The following SNAP91 variants were observed in gnomAD, a reference collection of about 807,000 sequenced individuals.
SNAP91 encodes the protein synaptosome associated protein 91.
In SNAP91, 27 loss-of-function variants were observed where a neutral mutation model predicts 100.3. The ratio of observed to expected loss-of-function variants is 0.27; its 90% confidence interval spans 0.20 to 0.37. The LOEUF is 0.37. Ranked by LOEUF, SNAP91 falls within the 10% of genes least tolerant of loss-of-function variation. The pLI is 1.00. For missense variants in SNAP91, 986 were observed against 1,123.7 expected, an observed-to-expected ratio of 0.88 and a Z score of 1.75; for synonymous variants, 404 against 398.6, an observed-to-expected ratio of 1.01 and a Z score of -0.16.
At chr6:83,555,676 ACT>A (rs1249325098) in intron 29 of SNAP91, among the ~76,000 whole-genome samples, 4 of 152,116 alleles carry the variant, frequency 2.6e-5, no homozygotes, top group Admixed American at 1.3e-4. Context: ...GAAATTTAAA[ACT>A]CTGCTTGAAT....
Position 83,623,332 on chromosome 6 carries a change from A to G in SNAP91, c.776T>C (p.Ile259Thr). The G allele has an allele frequency of 1.9e-6, 3 of 1,607,240 alleles. No individual in the cohort carries two copies. The highest frequency in any genetic ancestry group is 2.6e-6 in the Non-Finnish European group (3 of 1,175,962). ...GAGGTCAGGAATGTCACCTTTATCA[A>G]TACCAACTTGCTGTGGATTTAAAAA... ...EFLKVAEQVG[I>T]DKGDIPDLTQ... is the part of the protein sequence containing the mutation. The change falls in exon 9 of 30, where the codon ATT (isoleucine) becomes ACT (threonine). Residue 259 changes from isoleucine (I) to threonine (T), a missense_variant. By Grantham distance (89) the Ile-to-Thr change is moderately conservative. Transcript: ENST00000369694.
chr6:83,592,223 G>C (rs1443665163), intron 21 of SNAP91, among the ~76,000 whole-genome samples: 1 of 152,110 alleles, frequency 6.6e-6, no homozygotes, highest in African/African-American at 2.4e-5. Flanking sequence ...AAAACACCAA[G>C]TGAAAAATTA....
At chr6:83,604,735 G>A (rs2095503369) in intron 14 of SNAP91, among the ~76,000 whole-genome samples, 2 of 152,122 alleles carry the variant, frequency 1.3e-5, no homozygotes, top group Non-Finnish European at 2.9e-5. Context: ...ATAACCTCAA[G>A]GCTATGATTT....
intron 2 of SNAP91, among the ~76,000 whole-genome samples, chr6:83,673,953 A>G (rs2098824253): frequency 1.3e-5 from 2 of 152,230 alleles, no homozygotes; most frequent in Admixed American, 1.3e-4. Flanking sequence ...GTTGTTGTGT[A>G]TGCATGTGAT....
intron 3 of SNAP91, among the ~76,000 whole-genome samples, chr6:83,664,471 C>T (rs1284483239): frequency 6.6e-6 from 1 of 152,054 alleles, no homozygotes; most frequent in East Asian, 1.9e-4. Context: ...CTATGGATGA[C>T]TTTGAGGGAT....
At chr6:83,610,200 G>A (rs1356097460) in intron 12 of SNAP91, among the ~76,000 whole-genome samples, 1 of 151,904 alleles carries the variant, frequency 6.6e-6, no homozygotes, top group Non-Finnish European at 1.5e-5. Flanking sequence ...AATGATACAA[G>A]CAACCAAATA....
At chr6:83,628,111 G>A in intron 8 of SNAP91, among the ~76,000 whole-genome samples, 1 of 151,322 alleles carries the variant, frequency 6.6e-6, no homozygotes, top group South Asian at 2.1e-4. Context: ...ATAATGTTTG[G>A]TTTTCCATTC....
In SNAP91 at chr6:83,623,307, G is replaced by C; in HGVS notation, c.801C>G (p.Leu267=). ...VGIDKGDIPD[L]TQAPSSLMET... ...CACTGGGAGAGTTGCTTACCTGTGTGAGGTCAGGAATGTCACCTTTATCAA... is the reference window on the plus strand; with the variant it reads ...CACTGGGAGAGTTGCTTACCTGTGTCAGGTCAGGAATGTCACCTTTATCAA... Residue 267 remains leucine (L), a synonymous_variant, in exon 9 of 30, where the codon CTC becomes CTG. Coordinates refer to ENST00000369694, the MANE Select transcript of SNAP91 (RefSeq NM_001242792.2). 1 of 1,607,710 alleles carries C rather than the reference G, an allele frequency of 6.2e-7. No homozygotes were observed. The highest frequency in any genetic ancestry group is 8.5e-7 in the Non-Finnish European group (1 of 1,176,136).
chr6:83,685,778 A>G (rs1370137353), intron 2 of SNAP91, among the ~76,000 whole-genome samples: 1 of 152,204 alleles, frequency 6.6e-6, no homozygotes, highest in Non-Finnish European at 1.5e-5. Context: ...CAACTCTTTG[A>G]GCTGATCATT....
In SNAP91 at chr6:83,575,844, T is replaced by C. The variant is rs59927274; in HGVS notation, c.2330+179A>G. Among the ~76,000 whole-genome samples the C allele has an allele frequency of 2.9e-3, 439 of 152,320 alleles. 2 individuals are homozygous for C. Among genetic ancestry groups the C allele is most frequent in the African/African-American group, 1.0e-2 (414 of 41,582 alleles). On this transcript the variant is annotated intron_variant, in intron 25 of 29. Transcript: ENST00000369694. ...TTCCTTTTCATTGCAAAGCAACAGT[T>C]TGGAGCTTCCAGTAGAATAACAACA...
intron 2 of SNAP91, among the ~76,000 whole-genome samples, chr6:83,676,486 A>AG (rs1285713355): frequency 9.9e-5 from 15 of 152,222 alleles, no homozygotes; most frequent in African/African-American, 3.1e-4. Context: ...CATTCCAGGC[A>AG]GAGGAAAGCA....
intron 2 of SNAP91, among the ~76,000 whole-genome samples, chr6:83,694,658 G>GA (rs989181968): frequency 8.5e-5 from 13 of 152,102 alleles, no homozygotes; most frequent in Admixed American, 2.0e-4. Flanking sequence ...CAGAATCACT[G>GA]AAAAAGTCTT....
In SNAP91 at chr6:83,553,653, A is replaced by T. The variant is rs548155368; in HGVS notation, c.*643T>A. 6.6e-6 allele frequency: 1 copy of T among 152,148 alleles called. No homozygotes were observed. Among genetic ancestry groups the T allele is most frequent in the Non-Finnish European group, 1.5e-5 (1 of 68,028 alleles). 9.4% of individuals were successfully genotyped at this position (152,148 alleles called of 1,614,324 possible). ...CTTCCCATACGATTTTTCGTTCTTG[A>T]TAAGGTAGCTTCAAAGAGAAGTATT... is the stretch of plus-strand genomic sequence containing the variant. On this transcript the variant is annotated 3_prime_UTR_variant, in exon 30 of 30. Coordinates refer to ENST00000369694, the MANE Select transcript of SNAP91 (RefSeq NM_001242792.2).
rs117459821 is a variant in SNAP91 at position 83,644,724 on chromosome 6, T to G, written c.659-3522A>C. Among the ~76,000 whole-genome samples, 509 of 152,314 alleles carry G rather than the reference T, an allele frequency of 3.3e-3. 5 individuals are homozygous for G. Among genetic ancestry groups the G allele is most frequent in the Non-Finnish European group, 4.1e-3 (277 of 68,010 alleles). On this transcript the variant is annotated intron_variant, in intron 7 of 29. Coordinates refer to ENST00000369694, the MANE Select transcript of SNAP91 (RefSeq NM_001242792.2). The stretch of plus-strand genomic sequence containing the variant: ...CCATTAGTCAGGGAGACAGCTTACT[T>G]ACAAGTCAGAGTTTCATTATAGCAA...
chr6:83,653,377 T>C lies in SNAP91; in HGVS notation c.658+3377A>G, dbSNP rs371920192. 2.0e-5 allele frequency among the ~76,000 whole-genome samples: 3 copies of C among 152,268 alleles called. 1 individual carries two copies. Among genetic ancestry groups the C allele is most frequent in the East Asian group, 3.9e-4 (2 of 5,174 alleles). ...TTGTAGTTTTGGAGGTTTCTATTGA[T>C]ATATCTGTAAGCTTAAAGATTGTTT... On this transcript the variant is annotated intron_variant, in intron 7 of 29. Coordinates refer to ENST00000369694, the MANE Select transcript of SNAP91 (RefSeq NM_001242792.2).
intron 2 of SNAP91, among the ~76,000 whole-genome samples, chr6:83,672,232 A>T (rs1032167816): frequency 6.6e-6 from 1 of 152,208 alleles, no homozygotes. Context: ...ATCAATCTCA[A>T]ATACAATATT....
intron 7 of SNAP91, among the ~76,000 whole-genome samples, chr6:83,643,809 A>C (rs2097804013): frequency 6.6e-6 from 1 of 152,172 alleles, no homozygotes; most frequent in Middle Eastern, 3.2e-3. Flanking sequence ...ATTTAAGGGA[A>C]GCAAAAAGAT....
chr6:83,644,405 G>A (rs1212504770), intron 7 of SNAP91, among the ~76,000 whole-genome samples: 2 of 152,084 alleles, frequency 1.3e-5, no homozygotes, highest in Non-Finnish European at 2.9e-5. Flanking sequence ...AGACTCCCCT[G>A]TCCAGACCAG....
At chr6:83,586,038 T>C in intron 22 of SNAP91, among the ~76,000 whole-genome samples, 1 of 151,882 alleles carries the variant, frequency 6.6e-6, no homozygotes, top group African/African-American at 2.4e-5. Context: ...TTAGTAGAGA[T>C]GGGGTTTCAC....
Sources: allele counts gnomAD v4.1 joint callset (sites outside exome capture counted in the v4.1 genomes callset), GRCh38; gene constraint gnomAD v4.1.1; transcripts MANE v1.5; gene names NCBI Gene and HGNC (gene_info 2026-07-23, HGNC 2026-07-21).